The following RAD51B variants were observed in gnomAD, a reference collection of about 807,000 sequenced individuals.
RAD51B encodes RAD51 paralog B.
Under a neutral mutation model 42.2 loss-of-function variants are expected in RAD51B, and 38 were observed. That is an observed-to-expected ratio of 0.90 (90% CI 0.70 to 1.18). The LOEUF is 1.18. RAD51B is among the 50% of genes most tolerant of loss of function. The pLI, the probability that RAD51B is intolerant of heterozygous loss-of-function variation, is 0.00. For missense variants in RAD51B, 373 were observed against 400.7 expected, an observed-to-expected ratio of 0.93 and a Z score of 0.59; for synonymous variants, 154 against 145.2, an observed-to-expected ratio of 1.06 and a Z score of -0.43.
chr14:68,152,635 G>A (rs555133663), intron 7 of RAD51B, among the ~76,000 whole-genome samples: 1 of 152,016 alleles, frequency 6.6e-6, no homozygotes, highest in African/African-American at 2.4e-5. Context: ...AGGGGTACAT[G>A]TGCAGTTTTG....
exon 11 of RAD51B, chr14:68,594,616 G>A: frequency 2.3e-6 from 3 of 1,284,586 alleles, no homozygotes; most frequent in African/African-American, 1.5e-5. Flanking sequence ...TTTTGTAGAG[G>A]TGGGGTCTCA....
intron 10 of RAD51B, among the ~76,000 whole-genome samples, chr14:68,559,573 T>A (rs181345748): frequency 6.6e-6 from 1 of 151,840 alleles, no homozygotes; most frequent in East Asian, 1.9e-4. Flanking sequence ...TAGAGAAGAG[T>A]GTCACCATGT....
intron 7 of RAD51B, among the ~76,000 whole-genome samples, chr14:68,008,062 A>G (rs997184062): frequency 9.2e-5 from 14 of 151,866 alleles, no homozygotes; most frequent in Admixed American, 2.0e-4. Flanking sequence ...ACCTTTGTAG[A>G]GGATATTTGG....
In RAD51B at chr14:67,835,353, G is replaced by T. The variant is rs35577893; in HGVS notation, c.315+157G>T. ...TGGTTCTCCACTCAGTACTTAGTGT[G>T]GTTGTTCTGCAAACAGAGGTGTTAA... is the stretch of plus-strand genomic sequence containing the variant. On this transcript the variant is annotated intron_variant, in intron 4 of 10. Transcript: ENST00000471583. 3.9e-3 allele frequency among the ~76,000 whole-genome samples: 600 copies of T among 152,254 alleles called. 2 individuals carry two copies. Among genetic ancestry groups the T allele is most frequent in the Middle Eastern group, 0.017 (5 of 292 alleles).
chr14:67,929,698 T>G lies in RAD51B; in HGVS notation c.756+42494T>G, dbSNP rs928015196. Among the ~76,000 whole-genome samples the G allele has an allele frequency of 1.3e-5, 2 of 152,222 alleles. 1 individual carries two copies. The highest frequency in any genetic ancestry group is 4.8e-5 in the African/African-American group (2 of 41,464). On this transcript the variant is annotated intron_variant, in intron 7 of 10. Transcript: ENST00000471583. ...GTTGAAGTACCCCACTATTATTGTA[T>G]TAGAGCCTGTCTTTTTCTTTAGATC...
intron 4 of RAD51B, 88 bp downstream of exon 4, chr14:67,835,284 T>C (rs1202856901): frequency 1.1e-6 from 1 of 932,308 alleles, no homozygotes; most frequent in Non-Finnish European, 1.7e-6. Context: ...ATAAATTATT[T>C]CTGGAACGGT....
intron 7 of RAD51B, among the ~76,000 whole-genome samples, chr14:67,964,582 C>T (rs1357123788): frequency 6.6e-6 from 1 of 152,164 alleles, no homozygotes; most frequent in Non-Finnish European, 1.5e-5. Flanking sequence ...TCTGTATCTC[C>T]TCCTAAGGTT....
intron 7 of RAD51B, among the ~76,000 whole-genome samples, chr14:67,985,723 G>A (rs2075174125): frequency 6.7e-6 from 1 of 150,310 alleles, no homozygotes. Flanking sequence ...GCAACATGAT[G>A]AAACCACATC....
chr14:68,226,010 G>A (rs1056557144), intron 7 of RAD51B, among the ~76,000 whole-genome samples: 3 of 152,248 alleles, frequency 2.0e-5, no homozygotes, highest in Admixed American at 2.0e-4. Flanking sequence ...GAACTTGATG[G>A]CTTCCTGGAA....
intron 7 of RAD51B, among the ~76,000 whole-genome samples, chr14:68,206,090 T>C (rs188898118): frequency 6.6e-6 from 1 of 152,370 alleles, no homozygotes; most frequent in East Asian, 1.9e-4. Flanking sequence ...ACAGCCTTTA[T>C]CTTTTATGAC....
chr14:67,980,701 T>A (rs2075076102), intron 7 of RAD51B, among the ~76,000 whole-genome samples: 1 of 152,108 alleles, frequency 6.6e-6, no homozygotes, highest in African/African-American at 2.4e-5. Context: ...TGTGAAAAAA[T>A]TATTTATATC....
chr14:68,198,355 TC>T (rs1228311807), intron 7 of RAD51B, among the ~76,000 whole-genome samples: 28 of 152,204 alleles, frequency 1.8e-4, no homozygotes, highest in African/African-American at 6.8e-4. Context: ...TTATACTAAG[TC>T]TTAATATCAG....
At chr14:68,455,637 A>G (rs1237251011) in intron 9 of RAD51B, among the ~76,000 whole-genome samples, 3 of 151,728 alleles carry the variant, frequency 2.0e-5, no homozygotes, top group Non-Finnish European at 2.9e-5. Context: ...GGAGAATGGC[A>G]TGAACCCAGG....
rs150993308 is a variant in RAD51B at position 68,595,283 on chromosome 14, A to G, written c.*680A>G. 1.6e-4 allele frequency: 166 copies of G among 1,064,426 alleles called. No individual in the cohort carries two copies. In the African/African-American group the frequency reaches 2.4e-3, roughly 16 times the overall value. The allele number at this position is 1,064,426 out of a possible 1,614,324, so 65.9% of individuals were successfully genotyped here. A position where few individuals can be genotyped will look rare whatever the true frequency, so the allele number is the denominator to read the frequency against. ...GTTGCTTCTACAGGTTTACCTTGCTAAAGGCATTTCGCTTCCTTTGCTGTT... is the reference window on the plus strand; with the variant it reads ...GTTGCTTCTACAGGTTTACCTTGCTGAAGGCATTTCGCTTCCTTTGCTGTT... On this transcript the variant is annotated 3_prime_UTR_variant, in exon 11 of 11. Transcript: ENST00000487270.
At chr14:68,335,308 A>G (rs1566816137) in intron 8 of RAD51B, among the ~76,000 whole-genome samples, 1 of 143,344 alleles carries the variant, frequency 7.0e-6, no homozygotes, top group African/African-American at 2.5e-5. Context: ...AAAAAAAAAA[A>G]AAAAAGAAAA....
At chr14:68,189,790 T>C (rs1226340876) in intron 7 of RAD51B, among the ~76,000 whole-genome samples, 2 of 151,984 alleles carry the variant, frequency 1.3e-5, no homozygotes, top group East Asian at 1.9e-4. Context: ...CTCAGCCTCC[T>C]GAGTAACTGG....
intron 7 of RAD51B, among the ~76,000 whole-genome samples, chr14:67,888,426 A>G (rs1363355136): frequency 2.6e-5 from 4 of 152,090 alleles, no homozygotes; most frequent in Non-Finnish European, 5.9e-5. Flanking sequence ...CCAACTAAAG[A>G]TAGGAGATAT....
At chr14:68,569,570 C>T (rs1889590392) in intron 10 of RAD51B, among the ~76,000 whole-genome samples, 1 of 152,210 alleles carries the variant, frequency 6.6e-6, no homozygotes, top group Non-Finnish European at 1.5e-5. Context: ...AAGAAAAGTC[C>T]TGAATAGCTG....
intron 7 of RAD51B, among the ~76,000 whole-genome samples, chr14:67,952,884 AGTTTTTTT>A (rs1480025797): frequency 6.6e-6 from 1 of 151,982 alleles, no homozygotes; most frequent in Non-Finnish European, 1.5e-5. Flanking sequence ...AGTTTAGTTT[AGTTTTTTT>A]GTTTTTTTTT....
Sources: allele counts gnomAD v4.1 joint callset (sites outside exome capture counted in the v4.1 genomes callset), GRCh38; gene constraint gnomAD v4.1.1; transcripts MANE v1.5; gene names NCBI Gene and HGNC (gene_info 2026-07-23, HGNC 2026-07-21).